Variants in EIF2AK3 observed in about 807,000 individuals in gnomAD.
EIF2AK3 encodes eukaryotic translation initiation factor 2-alpha kinase 3.
A neutral mutation model predicts 113.5 loss-of-function variants in EIF2AK3; 50 were observed. The ratio of observed to expected loss-of-function variants is 0.44; its 90% CI spans 0.35 to 0.56. EIF2AK3 has a LOEUF of 0.56. Among genes scored for constraint, EIF2AK3 ranks in the 20% least tolerant of loss-of-function variants. The pLI is 0.00. For synonymous variants in EIF2AK3, 448 were observed against 495.4 expected, an observed-to-expected ratio of 0.90 and a Z score of 1.27; for missense variants, 1,185 against 1,378.0, an observed-to-expected ratio of 0.86 and a Z score of 2.22.
intron 8 of EIF2AK3, among the ~76,000 whole-genome samples, chr2:88,587,120 G>A (rs1263182126): frequency 2.8e-5 from 4 of 144,640 alleles, no homozygotes; most frequent in East Asian, 2.1e-4. Flanking sequence ...CAGAAGAATC[G>A]CTTGAACCCA....
chr2:88,557,920 T>A lies in EIF2AK3; in HGVS notation c.3167A>T (p.Asp1056Val), dbSNP rs757254462. Residue 1056 changes from aspartate to valine, a missense_variant, in exon 17 of 17, where the codon GAC (aspartate) becomes GTC (valine). Coordinates refer to ENST00000303236, the MANE Select transcript of EIF2AK3 (RefSeq NM_004836.7). ...KYPCEYVMVQ[D>V]MLSPSPMERP... ...TTCCATGGGGGATGGAGAGAGCATGTCTTGAACCATCACGTACTGAAAATA... is the reference window on the plus strand; with the variant it reads ...TTCCATGGGGGATGGAGAGAGCATGACTTGAACCATCACGTACTGAAAATA... The A allele has an allele frequency of 2.5e-6, 4 of 1,614,030 alleles. No individual in the cohort carries two copies. The highest frequency in any genetic ancestry group is 1.7e-5 in the Admixed American group (1 of 60,006).
In EIF2AK3 at chr2:88,583,682, C is replaced by T. The variant is rs1044246386; in HGVS notation, c.1651-140G>A. 6.5e-5 allele frequency: 44 copies of T among 679,110 alleles called. 1 individual carries two copies. The highest frequency in any genetic ancestry group is 6.2e-4 in the African/African-American group (34 of 55,232). 42.1% of individuals were successfully genotyped at this position (679,110 alleles called of 1,614,324 possible). ...ATAAAAGCATTATGAAAACAAAGTGCAGCATTTTGCTTTATTATAAAAGAA... is the reference window on the plus strand; with the variant it reads ...ATAAAAGCATTATGAAAACAAAGTGTAGCATTTTGCTTTATTATAAAAGAA... On this transcript the variant is annotated intron_variant, in intron 9 of 16. Coordinates refer to ENST00000303236, the MANE Select transcript of EIF2AK3 (RefSeq NM_004836.7).
At position 88,588,022 on chromosome 2, in the gene EIF2AK3, T is replaced by G. The variant is rs1387709739; in HGVS notation, c.1389A>C (p.Glu463Asp). ...AGATTGAAAGTGCACCATTACTATA[T>G]TCTTCATGAGAAAACTTATCATTAC... is the stretch of plus-strand genomic sequence containing the variant. ...CLSNDKFSHE[E>D]YSNGALSILQ... The change falls in exon 8 of 17, where the codon GAA (glutamate) becomes GAC (aspartate). Residue 463 changes from glutamate (E) to aspartate (D), a missense_variant. Coordinates refer to ENST00000303236, the MANE Select transcript of EIF2AK3 (RefSeq NM_004836.7). The G allele has an allele frequency of 6.3e-7, 1 of 1,589,384 alleles. No individual in the cohort carries two copies. The highest frequency in any genetic ancestry group is 8.6e-7 in the Non-Finnish European group (1 of 1,163,240).
chr2:88,578,681 C>CAAA lies in EIF2AK3; in HGVS notation c.1886+834_1886+836dup, dbSNP rs763427318. ...TGGGTGACGGTGCAAGACCCTGTCT[C>CAAA]AAAAAAAAAAAAAAAAGCAACAAGG... On this transcript the variant is annotated intron_variant, in intron 11 of 16. Transcript: ENST00000303236. 6.9e-4 allele frequency among the ~76,000 whole-genome samples: 54 copies of CAAA among 78,090 alleles called. 1 individual carries two copies. The highest frequency in any genetic ancestry group is 2.3e-3 in the African/African-American group (52 of 22,218). The allele number at this position is 78,090 out of a possible 152,430, so 51.2% of individuals were successfully genotyped here. A position where few individuals can be genotyped will look rare whatever the true frequency, so the allele number is the denominator to read the frequency against.
chr2:88,576,902 A>C (rs1417636292), intron 11 of EIF2AK3, among the ~76,000 whole-genome samples, 199 bp from the exon 12 acceptor site: 2 of 152,214 alleles, frequency 1.3e-5, no homozygotes, highest in Non-Finnish European at 2.9e-5. Flanking sequence ...AAGTATTCAT[A>C]TCTAATAGTG....
intron 13 of EIF2AK3, among the ~76,000 whole-genome samples, chr2:88,573,401 G>GC (rs890315734): frequency 6.6e-6 from 1 of 152,172 alleles, no homozygotes; most frequent in Admixed American, 6.5e-5. Flanking sequence ...TGTGTGTACA[G>GC]CAAGTGTTAA....
intron 2 of EIF2AK3, among the ~76,000 whole-genome samples, chr2:88,606,640 T>C (rs1168643520): frequency 1.3e-5 from 2 of 152,232 alleles, no homozygotes; most frequent in South Asian, 4.1e-4. Flanking sequence ...TAAGAGAAGC[T>C]TTAAAAGAGA....
chr2:88,612,656 T>C (rs1275501301), intron 2 of EIF2AK3, among the ~76,000 whole-genome samples: 1 of 152,228 alleles, frequency 6.6e-6, no homozygotes, highest in Non-Finnish European at 1.5e-5. Context: ...AGATTTGGGC[T>C]GGGTTTACTG....
intron 11 of EIF2AK3, among the ~76,000 whole-genome samples, chr2:88,578,085 G>T (rs1674507957): frequency 3.3e-5 from 5 of 152,140 alleles, no homozygotes; most frequent in Admixed American, 3.3e-4. Flanking sequence ...CTTATGTAGT[G>T]CCTGGCACAT....
chr2:88,604,757 T>G (rs775030276), intron 2 of EIF2AK3, among the ~76,000 whole-genome samples: 2 of 152,220 alleles, frequency 1.3e-5, no homozygotes, highest in Non-Finnish European at 2.9e-5. Flanking sequence ...AGAAGCAGTT[T>G]AGATGCTCAA....
At position 88,591,006 on chromosome 2, in the gene EIF2AK3, T is replaced by C; in HGVS notation, c.814A>G (p.Met272Val). 6.2e-7 allele frequency: 1 copy of C among 1,614,134 alleles called. No homozygotes were observed. The highest frequency in any genetic ancestry group is 8.5e-7 in the Non-Finnish European group (1 of 1,179,992). The stretch of plus-strand genomic sequence containing the variant: ...TCAATAAATCCGGCTCTCGTTTCCA[T>C]GTCTGGAATATACCGAAGTTCAAAG... Reference protein sequence around the residue: ...GHFELRYIPDMETRAGFIEST... With the variant: ...GHFELRYIPDVETRAGFIEST... The change falls in exon 5 of 17, where the codon ATG becomes GTG. Residue 272 changes from methionine to valine, a missense_variant. Physicochemically the swap from Met to Val is conservative, Grantham distance 21 (BLOSUM62 1). Around this residue, in one of 3 missense-constraint regions of EIF2AK3, gnomAD observed 877 missense variants for 1,024.2 expected, o/e 0.86. Transcript: ENST00000303236.
intron 1 of EIF2AK3, among the ~76,000 whole-genome samples, chr2:88,621,061 G>A (rs1453646585): frequency 6.6e-6 from 1 of 152,186 alleles, no homozygotes; most frequent in Non-Finnish European, 1.5e-5. Context: ...AGAAATTCAG[G>A]TTTTTAACTC....
chr2:88,612,330 CTT>C (rs1675476523), intron 2 of EIF2AK3, among the ~76,000 whole-genome samples: 1 of 152,136 alleles, frequency 6.6e-6, no homozygotes, highest in Admixed American at 6.5e-5. Flanking sequence ...CTGATCATCT[CTT>C]ATGTCTAGTT....
chr2:88,558,440 A>C (rs1027551850), intron 16 of EIF2AK3, among the ~76,000 whole-genome samples: 1 of 152,226 alleles, frequency 6.6e-6, no homozygotes, highest in Non-Finnish European at 1.5e-5. Flanking sequence ...TTTGAACGTA[A>C]CATGTACTCT....
At chr2:88,621,896 A>ATTTT (rs34216518) in intron 1 of EIF2AK3, among the ~76,000 whole-genome samples, 129 of 133,270 alleles carry the variant, frequency 9.7e-4, no homozygotes, top group African/African-American at 2.8e-3. Context: ...TTATTCTATA[A>ATTTT]TTTTTTTTTT....
chr2:88,615,941 C>T (rs973210321), intron 1 of EIF2AK3, among the ~76,000 whole-genome samples: 1 of 152,102 alleles, frequency 6.6e-6, no homozygotes, highest in African/African-American at 2.4e-5. Context: ...GGTCTTGCTT[C>T]ACTTGACCAC....
rs1675744717 is a variant in EIF2AK3 at position 88,622,266 on chromosome 2, T to C, written c.308+4701A>G. On this transcript the variant is annotated intron_variant, in intron 1 of 16. Transcript: ENST00000303236. ...GAATTAAACACACAAATTTATCTCC[T>C]CCCCTCACATTTAGCTCTGCAACTT... Among the ~76,000 whole-genome samples, 2 of 152,212 alleles carry C rather than the reference T, an allele frequency of 1.3e-5. 1 individual carries two copies. The highest frequency in any genetic ancestry group is 4.1e-4 in the South Asian group (2 of 4,836).
chr2:88,565,832 T>G (rs1043866643), intron 14 of EIF2AK3, among the ~76,000 whole-genome samples: 3 of 152,254 alleles, frequency 2.0e-5, no homozygotes, highest in African/African-American at 7.2e-5. Flanking sequence ...CATACAGTTT[T>G]AATTTTTCCT....
chr2:88,564,552 G>GACAC (rs528714550), intron 14 of EIF2AK3, among the ~76,000 whole-genome samples: 10 of 149,238 alleles, frequency 6.7e-5, no homozygotes, highest in South Asian at 2.1e-4. Flanking sequence ...CCATTTCCAA[G>GACAC]ACACACACAC....
Sources: allele counts gnomAD v4.1 joint callset (sites outside exome capture counted in the v4.1 genomes callset), GRCh38; gene constraint gnomAD v4.1.1; regional missense constraint gnomAD v4.1.1; transcripts MANE v1.5; gene names NCBI Gene and HGNC (gene_info 2026-07-23, HGNC 2026-07-21).